Variants in DEGS2 observed in about 807,000 individuals in gnomAD.
The protein encoded by DEGS2 is sphingolipid delta(4)-desaturase/C4-monooxygenase DES2.
DEGS2 carries 19 observed loss-of-function variants against 23.8 expected under a neutral mutation model. The observed-to-expected ratio is 0.80, with a 90% confidence interval of 0.56 to 1.17. The LOEUF (loss-of-function observed/expected upper bound fraction) is 1.17. Ranked by LOEUF, DEGS2 falls within the 50% of genes most tolerant of loss-of-function variation. The probability of loss-of-function intolerance (pLI) is 0.00; values close to 1 mark genes in which losing one functional copy is unlikely to be tolerated. For missense variants in DEGS2, 390 were observed against 459.5 expected, an observed-to-expected ratio of 0.85 and a Z score of 1.38; for synonymous variants, 218 against 213.7, an observed-to-expected ratio of 1.02 and a Z score of -0.18.
chr14:100,156,850 G>A (rs1595279534), intron 1 of DEGS2, among the ~76,000 whole-genome samples: 1 of 152,222 alleles, frequency 6.6e-6, no homozygotes, highest in African/African-American at 2.4e-5. Flanking sequence ...GTGCCGGGGA[G>A]GGAGGGAATG....
At chr14:100,149,996 T>C (rs1292176183) in intron 1 of DEGS2, among the ~76,000 whole-genome samples, 5 of 152,206 alleles carry the variant, frequency 3.3e-5, no homozygotes. Context: ...CATCCCAGCT[T>C]GTTCCCACCC....
upstream of DEGS2, among the ~76,000 whole-genome samples, chr14:100,163,920 G>C (rs113183717): frequency 6.6e-6 from 1 of 151,948 alleles, no homozygotes; most frequent in South Asian, 2.1e-4. Context: ...TGCAGAGACC[G>C]GGTTTTGTGG....
In DEGS2 at chr14:100,146,771, T is replaced by C; in HGVS notation, c.962A>G (p.Asp321Gly). 1 of 1,613,288 alleles carries C rather than the reference T, an allele frequency of 6.2e-7. No individual in the cohort carries two copies. Among genetic ancestry groups the C allele is most frequent in the Non-Finnish European group, 8.5e-7 (1 of 1,179,708 alleles). The change falls in exon 3 of 3, where the codon GAT (aspartate) becomes GGT (glycine). Residue 321 changes from aspartate to glycine, a missense_variant. By Grantham distance (94) the Asp-to-Gly change is moderately conservative. Coordinates refer to ENST00000305631, the MANE Select transcript of DEGS2 (RefSeq NM_206918.3). The part of the protein sequence containing the change: ...RVKRVYRLAK[D>G]GL The stretch of plus-strand genomic sequence containing the variant: ...GGAGGCAGCCCGGGCTCACAGACCA[T>C]CTTTTGCCAGCCTGTACACCCGCTT...
upstream of DEGS2, among the ~76,000 whole-genome samples, chr14:100,163,383 G>A (rs944306744): frequency 3.2e-4 from 48 of 152,076 alleles, 1 homozygote; most frequent in Non-Finnish European, 6.2e-4. Context: ...CAGAGGTTGC[G>A]GTGAGCTGAG....
In DEGS2 at chr14:100,156,089, G is replaced by A. The variant is rs112116829; in HGVS notation, c.82+3417C>T. Among the ~76,000 whole-genome samples, 743 of 152,354 alleles carry A rather than the reference G, an allele frequency of 4.9e-3. 7 individuals are homozygous for A. Among genetic ancestry groups the A allele is most frequent in the African/African-American group, 0.017 (717 of 41,588 alleles). ...TTTGGCCCCAACCCACAGAGCTCCT[G>A]GAGCCAGCTCTTTGCAAGGACTTCC... On this transcript the variant is annotated intron_variant, in intron 1 of 2. Coordinates refer to ENST00000305631, the MANE Select transcript of DEGS2 (RefSeq NM_206918.3).
At chr14:100,161,430 T>C (rs1595281947), upstream of DEGS2, among the ~76,000 whole-genome samples, 1 of 151,804 alleles carries the variant, frequency 6.6e-6, no homozygotes, top group Non-Finnish European at 1.5e-5. Flanking sequence ...GCTCCCCAAG[T>C]CCCTGGGGAG....
At chr14:100,154,844 G>C (rs2140424156) in intron 1 of DEGS2, among the ~76,000 whole-genome samples, 1 of 152,272 alleles carries the variant, frequency 6.6e-6, no homozygotes, top group South Asian at 2.1e-4. Context: ...GCAGAGACAG[G>C]GCCCCCCCAC....
intron 1 of DEGS2, among the ~76,000 whole-genome samples, chr14:100,158,506 G>A (rs1889695148): frequency 6.6e-6 from 1 of 152,148 alleles, no homozygotes; most frequent in Non-Finnish European, 1.5e-5. Context: ...GGGTCGCAGT[G>A]AGCCGAGATC....
intron 1 of DEGS2, among the ~76,000 whole-genome samples, chr14:100,151,215 G>A (rs548451769): frequency 2.5e-4 from 38 of 152,240 alleles, no homozygotes; most frequent in Non-Finnish European, 5.0e-4. Context: ...TCTGAGCCCT[G>A]GGGGTGCCAG....
rs767497237 is a variant in DEGS2, at chr14:100,149,679, C to G, written c.114G>C (p.Arg38=). 3 of 1,609,402 alleles carry G rather than the reference C, an allele frequency of 1.9e-6. No homozygotes were observed. In the South Asian group the frequency reaches 3.3e-5, roughly 18 times the overall value. ...AKYPAIKALM[R]PDPRLKWAVL... ...CCGCCCACTTGAGGCGCGGGTCTGG[C>G]CGCATCAGGGCCTTGATGGCCGGGT... Residue 38 remains arginine, a synonymous_variant, in exon 2 of 3, where the codon CGG becomes CGC. Coordinates refer to ENST00000305631, the MANE Select transcript of DEGS2 (RefSeq NM_206918.3).
intron 1 of DEGS2, among the ~76,000 whole-genome samples, chr14:100,153,237 C>A (rs1889602708): frequency 6.6e-6 from 1 of 150,838 alleles, no homozygotes. Context: ...GCCTGGGCGA[C>A]AGTAATGGCA....
chr14:100,152,733 G>C (rs545885096), intron 1 of DEGS2, among the ~76,000 whole-genome samples: 1 of 152,250 alleles, frequency 6.6e-6, no homozygotes, highest in Admixed American at 6.5e-5. Context: ...CCACCGTCGA[G>C]TTCCCTGGTT....
intron 1 of DEGS2, among the ~76,000 whole-genome samples, chr14:100,159,111 G>A (rs569125823): frequency 2.1e-3 from 322 of 152,266 alleles, no homozygotes; most frequent in African/African-American, 7.4e-3. Context: ...GCGGGTGGAG[G>A]CCCCGCGTCG....
Position 100,149,299 on chromosome 14 carries a change from A to G in DEGS2, c.494T>C (p.Leu165Pro). ...CCGTAGTGAGTAGAAGAAGGGCTGC[A>G]GCACCAGCCAGAGCAGCTTGCGGGC... ...TPARKLLWLV[L>P]QPFFYSLRPL... The change falls in exon 2 of 3, where the codon CTG becomes CCG. Residue 165 changes from leucine to proline, a missense_variant. Coordinates refer to ENST00000305631, the MANE Select transcript of DEGS2 (RefSeq NM_206918.3). 1 of 1,612,662 alleles carries G rather than the reference A, an allele frequency of 6.2e-7. No homozygotes were observed. Among genetic ancestry groups the G allele is most frequent in the African/African-American group, 1.3e-5 (1 of 75,064 alleles).
chr14:100,151,557 G>A (rs1889572448), intron 1 of DEGS2, among the ~76,000 whole-genome samples: 1 of 152,216 alleles, frequency 6.6e-6, no homozygotes, highest in African/African-American at 2.4e-5. Flanking sequence ...CACTCAGGGA[G>A]CCCGAGACAC....
At chr14:100,162,968 G>C (rs1308907525), upstream of DEGS2, among the ~76,000 whole-genome samples, 1 of 152,232 alleles carries the variant, frequency 6.6e-6, no homozygotes, top group Non-Finnish European at 1.5e-5. Context: ...CAAGGAGTCA[G>C]ACAGCCCATG....
In DEGS2 at chr14:100,153,294, G is replaced by GATAGAT. The variant is rs1555365199; in HGVS notation, c.83-3590_83-3585dup. ...AGATAGATAGATAGATAGATAGATA[G>GATAGAT]ATAGATAGATAATAGATGTGAGAGA... On this transcript the variant is annotated intron_variant, in intron 1 of 2. Coordinates refer to ENST00000305631, the MANE Select transcript of DEGS2 (RefSeq NM_206918.3). Among the ~76,000 whole-genome samples the GATAGAT allele has an allele frequency of 1.1e-4, 15 of 142,368 alleles. No individual in the cohort carries two copies. In the East Asian group the frequency reaches 4.3e-3, roughly 41 times the overall value. 93.4% of individuals were successfully genotyped at this position (142,368 alleles called of 152,430 possible).
chr14:100,149,759 C>T (rs1889533948), intron 1 of DEGS2, 49 bp from the exon 2 acceptor site: 1 of 1,535,090 alleles, frequency 6.5e-7, no homozygotes, highest in African/African-American at 1.4e-5. Flanking sequence ...GGGGCTGCAC[C>T]CCGCCCTCCT....
Position 100,146,759 on chromosome 14 carries a change from G to T in DEGS2, c.*2C>A, listed in dbSNP as rs1566739666. 6.2e-7 allele frequency: 1 copy of T among 1,613,032 alleles called. No homozygotes were observed. The highest frequency in any genetic ancestry group is 8.5e-7 in the Non-Finnish European group (1 of 1,179,540). On this transcript the variant is annotated 3_prime_UTR_variant, in exon 3 of 3. Transcript: ENST00000305631. ...TGGCCACCACCAGGAGGCAGCCCGG[G>T]CTCACAGACCATCTTTTGCCAGCCT... is the stretch of plus-strand genomic sequence containing the variant.
Sources: allele counts gnomAD v4.1 joint callset (sites outside exome capture counted in the v4.1 genomes callset), GRCh38; gene constraint gnomAD v4.1.1; transcripts MANE v1.5; gene names NCBI Gene and HGNC (gene_info 2026-07-23, HGNC 2026-07-21).